The following WDR59 variants were observed in gnomAD, a reference collection of about 807,000 sequenced individuals.
The protein encoded by WDR59 is GATOR2 complex protein WDR59.
A neutral mutation model predicts 131.2 loss-of-function variants in WDR59; 100 were observed. The observed-to-expected ratio is 0.76, with a 90% confidence interval of 0.65 to 0.90. The LOEUF (loss-of-function observed/expected upper bound fraction) is 0.90. Among genes scored for constraint, WDR59 ranks in the 40% least tolerant of loss-of-function variants. WDR59 has a pLI of 0.00. For missense variants in WDR59, 1,203 were observed against 1,262.2 expected, an observed-to-expected ratio of 0.95 and a Z score of 0.71; for synonymous variants, 601 against 466.2, an observed-to-expected ratio of 1.29 and a Z score of -3.72.
chr16:74,973,532 C>T (rs1387715355), intron 1 of WDR59, among the ~76,000 whole-genome samples: 2 of 145,824 alleles, frequency 1.4e-5, no homozygotes, highest in East Asian at 2.1e-4. Flanking sequence ...AGTGATGCAC[C>T]GGCCCTGGCC....
At chr16:74,963,979 C>G (rs1030322674) in intron 2 of WDR59, among the ~76,000 whole-genome samples, 23 of 151,460 alleles carry the variant, frequency 1.5e-4, no homozygotes, top group African/African-American at 5.3e-4. Flanking sequence ...ATTACTTGAG[C>G]CCAGCAGTTC....
chr16:74,893,237 G>A (rs1965127585), intron 19 of WDR59, among the ~76,000 whole-genome samples: 1 of 152,200 alleles, frequency 6.6e-6, no homozygotes, highest in Middle Eastern at 3.2e-3. Flanking sequence ...CCTGGGTGGG[G>A]CTGACCTCAT....
In WDR59 at chr16:74,881,888, G is replaced by GA. The variant is rs1247274156; in HGVS notation, c.2689+3764dup. On this transcript the variant is annotated intron_variant, in intron 25 of 25. Transcript: ENST00000262144. ...ACTCCGTCTCAAAAAAAAAAAAAAA[G>GA]AAAAAAAAGAAAAAAAAAAGGAAAA... Among the ~76,000 whole-genome samples, 13 of 137,616 alleles carry GA rather than the reference G, an allele frequency of 9.4e-5. No individual in the cohort carries two copies. In the South Asian group the frequency reaches 2.8e-3, roughly 29 times the overall value. The allele number at this position is 137,616 out of a possible 152,430, so 90.3% of individuals were successfully genotyped here. A position where few individuals can be genotyped will look rare whatever the true frequency, so the allele number is the denominator to read the frequency against.
intron 2 of WDR59, among the ~76,000 whole-genome samples, chr16:74,963,795 G>A (rs537948609): frequency 6.6e-6 from 1 of 152,130 alleles, no homozygotes; most frequent in South Asian, 2.1e-4. Flanking sequence ...AGAGGCCAAG[G>A]CAGAGGCAGA....
chr16:74,965,883 G>C, intron 1 of WDR59, 61 bp from the exon 2 acceptor site: 1 of 1,583,176 alleles, frequency 6.3e-7, no homozygotes, highest in East Asian at 2.2e-5. Context: ...AGAAGGCAGA[G>C]GTCTCTGTGG....
intron 23 of WDR59, among the ~76,000 whole-genome samples, chr16:74,886,793 C>T (rs540643628): frequency 6.6e-6 from 1 of 151,776 alleles, no homozygotes; most frequent in Admixed American, 6.6e-5. Context: ...CGTACTGGTG[C>T]GTGCCTGCAA....
chr16:74,951,815 T>C (rs1195826109), intron 3 of WDR59, among the ~76,000 whole-genome samples: 6 of 152,116 alleles, frequency 3.9e-5, no homozygotes, highest in African/African-American at 1.2e-4. Context: ...GAACTGAAGG[T>C]GCAGAAGCAC....
chr16:74,980,835 G>C (rs1333694427), intron 1 of WDR59, among the ~76,000 whole-genome samples: 10 of 151,838 alleles, frequency 6.6e-5, no homozygotes, highest in Non-Finnish European at 2.9e-5. Context: ...GCCCGGTGTG[G>C]TGGGGCACGC....
At chr16:74,950,743 T>C (rs113336027) in intron 4 of WDR59, among the ~76,000 whole-genome samples, 7,497 of 152,222 alleles carry the variant, frequency 0.049, 240 homozygotes, top group Middle Eastern at 0.14. Context: ...AGGAGCTCTG[T>C]AACCGCTGCT....
At chr16:74,963,467 T>C (rs1340720662) in intron 2 of WDR59, among the ~76,000 whole-genome samples, 2 of 152,148 alleles carry the variant, frequency 1.3e-5, no homozygotes, top group African/African-American at 2.4e-5. Flanking sequence ...GAAGCCATTA[T>C]CCTCAGCAAA....
Position 74,967,857 on chromosome 16 carries a change from CAAA to C in WDR59, c.55-2038_55-2036del, listed in dbSNP as rs10585403. 1.2e-3 allele frequency among the ~76,000 whole-genome samples: 132 copies of C among 114,296 alleles called. 1 individual carries two copies. Among genetic ancestry groups the C allele is most frequent in the Middle Eastern group, 4.5e-3 (1 of 220 alleles). The allele number at this position is 114,296 out of a possible 152,430, so 75.0% of individuals were successfully genotyped here. ...TGGGCAATAAAGCGAGACTCGGTCT[CAAA>C]AAAAAAAAAAAAAAAGATAGAAGAC... is the stretch of plus-strand genomic sequence containing the variant. On this transcript the variant is annotated intron_variant, in intron 1 of 25. Transcript: ENST00000262144.
At chr16:74,913,159 C>T (rs1465389192) in intron 13 of WDR59, among the ~76,000 whole-genome samples, 1 of 151,956 alleles carries the variant, frequency 6.6e-6, no homozygotes, top group Non-Finnish European at 1.5e-5. Context: ...CGGTGAGCTA[C>T]TTCTTGCAGG....
At chr16:74,939,742 G>T (rs554105333) in intron 7 of WDR59, among the ~76,000 whole-genome samples, 1 of 152,244 alleles carries the variant, frequency 6.6e-6, no homozygotes, top group Non-Finnish European at 1.5e-5. Context: ...TAATCCCAGT[G>T]TTCTGGGAGG....
Position 74,871,530 on chromosome 16 carries a change from A to G in WDR59, c.*2679T>C, listed in dbSNP as rs1964012135. The stretch of plus-strand genomic sequence containing the variant: ...GTATTGAAGGATGACATTATGTAAT[A>G]TTTTAAACTCGAAATTTCTTCACAC... On this transcript the variant is annotated 3_prime_UTR_variant, in exon 26 of 26. Transcript: ENST00000262144. 6.6e-6 allele frequency: 1 copy of G among 152,244 alleles called. No individual in the cohort carries two copies. Among genetic ancestry groups the G allele is most frequent in the Non-Finnish European group, 1.5e-5 (1 of 68,042 alleles). The allele number at this position is 152,244 out of a possible 1,614,324, so 9.4% of individuals were successfully genotyped here. A position where few individuals can be genotyped will look rare whatever the true frequency, so the allele number is the denominator to read the frequency against.
At chr16:74,931,521 G>C (rs114098772) in intron 8 of WDR59, among the ~76,000 whole-genome samples, 3 of 152,044 alleles carry the variant, frequency 2.0e-5, no homozygotes, top group African/African-American at 7.2e-5. Context: ...ATTTGTTGCA[G>C]AGATGGGGTT....
intron 1 of WDR59, among the ~76,000 whole-genome samples, chr16:74,981,585 ATTT>A (rs1361913080): frequency 7.7e-6 from 1 of 129,988 alleles, no homozygotes; most frequent in Non-Finnish European, 1.6e-5. Flanking sequence ...TATTTTTTGT[ATTT>A]TTTTAGACAA....
At position 74,888,412 on chromosome 16, in the gene WDR59, G is replaced by A. The variant is rs544378023; in HGVS notation, c.2196-93C>T. 6.1e-6 allele frequency: 8 copies of A among 1,318,690 alleles called. No homozygotes were observed. The African/African-American group carries it at 1.0e-4, about 17-fold the overall frequency. 81.7% of individuals were successfully genotyped at this position (1,318,690 alleles called of 1,614,324 possible). On this transcript the variant is annotated intron_variant, in intron 21 of 25. Coordinates refer to ENST00000262144, the MANE Select transcript of WDR59 (RefSeq NM_030581.4). ...CATGGCGTGTTACTGCCACAGGGGT[G>A]GGAAGGGAGGAGTCTTGATTCTGCC...
chr16:74,971,348 GA>G (rs1412894017), intron 1 of WDR59, among the ~76,000 whole-genome samples: 5 of 144,290 alleles, frequency 3.5e-5, no homozygotes, highest in Non-Finnish European at 7.6e-5. Flanking sequence ...AAAAAAAAGA[GA>G]AAAAAAAGAT....
chr16:74,970,674 C>T (rs187630384), intron 1 of WDR59, among the ~76,000 whole-genome samples: 118 of 152,210 alleles, frequency 7.8e-4, no homozygotes, highest in African/African-American at 2.6e-3. Context: ...TGAGCCCCTG[C>T]TGAGCATGGT....
Sources: allele counts gnomAD v4.1 joint callset (sites outside exome capture counted in the v4.1 genomes callset), GRCh38; gene constraint gnomAD v4.1.1; transcripts MANE v1.5; gene names NCBI Gene and HGNC (gene_info 2026-07-23, HGNC 2026-07-21).